The following TYR variants were observed in gnomAD, a reference collection of about 807,000 sequenced individuals.
TYR encodes the protein LB24-AB.
A neutral mutation model predicts 51.5 loss-of-function variants in TYR; 58 were observed. That is an observed-to-expected ratio of 1.13 (90% CI 0.91 to 1.40). The LOEUF (loss-of-function observed/expected upper bound fraction) is 1.40. Among genes scored for constraint, TYR ranks in the 40% most tolerant of loss-of-function variants. The probability of loss-of-function intolerance (pLI) is 0.00; values close to 1 mark genes in which losing one functional copy is unlikely to be tolerated. For synonymous variants in TYR, 263 were observed against 235.2 expected (o/e 1.12, Z -1.08); for missense variants, 732 against 647.4 (o/e 1.13, Z -1.42).
rs187101923 is a variant in TYR, at chr11:89,232,325, T to C, written c.1184+4355T>C. ...AACCCAGGTGCTCATCAATGGTGTA[T>C]TGGACAAAGAAAATGTGGTACATTT... is the stretch of plus-strand genomic sequence containing the variant. On this transcript the variant is annotated intron_variant, in intron 3 of 4. Coordinates refer to ENST00000263321, the MANE Select transcript of TYR (RefSeq NM_000372.5). Among the ~76,000 whole-genome samples the C allele has an allele frequency of 5.3e-4, 76 of 143,298 alleles. 18 individuals carry two copies. Among genetic ancestry groups the C allele is most frequent in the African/African-American group, 2.0e-3 (74 of 36,260 alleles). The allele number at this position is 143,298 out of a possible 152,430, so 94.0% of individuals were successfully genotyped here. A position where few individuals can be genotyped will look rare whatever the true frequency, so the allele number is the denominator to read the frequency against.
intron 3 of TYR, among the ~76,000 whole-genome samples, chr11:89,265,437 CT>C (rs1944514279): frequency 6.6e-6 from 1 of 152,054 alleles, no homozygotes; most frequent in Non-Finnish European, 1.5e-5. Context: ...TCCTATTACC[CT>C]TGATTTTTCT....
intron 2 of TYR, among the ~76,000 whole-genome samples, chr11:89,225,633 A>G (rs949312072): frequency 1.3e-5 from 2 of 151,878 alleles, no homozygotes; most frequent in African/African-American, 4.8e-5. Context: ...GTTGTTTTTG[A>G]TATGGATGAT....
chr11:89,264,016 T>A (rs1285248653), intron 3 of TYR, among the ~76,000 whole-genome samples: 4 of 152,070 alleles, frequency 2.6e-5, no homozygotes, highest in African/African-American at 9.6e-5. Flanking sequence ...CTTAATGTTG[T>A]AGTAGATTTT....
At chr11:89,216,684 T>C (rs1396973532) in intron 2 of TYR, among the ~76,000 whole-genome samples, 1 of 130,100 alleles carries the variant, frequency 7.7e-6, no homozygotes, top group African/African-American at 3.1e-5. Flanking sequence ...TAAACCCAAA[T>C]AATATGCCTT....
intron 2 of TYR, among the ~76,000 whole-genome samples, chr11:89,209,750 G>A (rs757470714): frequency 1.8e-4 from 27 of 152,224 alleles, no homozygotes; most frequent in Non-Finnish European, 2.8e-4. Context: ...CCTCTGGGAC[G>A]AAGCTTCCAG....
chr11:89,276,326 C>T (rs1944654072), intron 3 of TYR, among the ~76,000 whole-genome samples: 1 of 151,824 alleles, frequency 6.6e-6, no homozygotes, highest in Admixed American at 6.6e-5. Flanking sequence ...TCTCCTCCAT[C>T]TGCATCGCTT....
intron 2 of TYR, among the ~76,000 whole-genome samples, chr11:89,217,651 GT>G (rs1943849841): frequency 6.6e-6 from 1 of 152,188 alleles, no homozygotes; most frequent in South Asian, 2.1e-4. Flanking sequence ...GGGTGTTTCT[GT>G]TTGAGTCTCT....
At chr11:89,290,157 T>C (rs1944839426) in intron 4 of TYR, among the ~76,000 whole-genome samples, 1 of 151,736 alleles carries the variant, frequency 6.6e-6, no homozygotes, top group African/African-American at 2.4e-5. Flanking sequence ...ACAAGAAAAA[T>C]AGGACTTCAC....
intron 3 of TYR, among the ~76,000 whole-genome samples, chr11:89,275,403 T>A (rs998808358): frequency 1.3e-5 from 2 of 151,926 alleles, no homozygotes; most frequent in African/African-American, 4.8e-5. Context: ...ATTCTGGTCC[T>A]AGCTCTGCCA....
chr11:89,182,158 C>G (rs1045909929), intron 1 of TYR, among the ~76,000 whole-genome samples: 2 of 152,138 alleles, frequency 1.3e-5, no homozygotes, highest in Non-Finnish European at 2.9e-5. Flanking sequence ...TATCTGCCAG[C>G]CTGTCAGTCG....
chr11:89,219,854 C>A (rs1054343626), intron 2 of TYR, among the ~76,000 whole-genome samples: 1 of 151,982 alleles, frequency 6.6e-6, no homozygotes, highest in Admixed American at 6.6e-5. Context: ...GCCTTTTCTA[C>A]CCCAAGAGAG....
chr11:89,191,659 C>G (rs181929402), intron 2 of TYR, among the ~76,000 whole-genome samples: 1 of 152,070 alleles, frequency 6.6e-6, no homozygotes, highest in African/African-American at 2.4e-5. Context: ...ACTTGGGAGG[C>G]TGTGACAGGT....
intron 2 of TYR, among the ~76,000 whole-genome samples, chr11:89,215,659 C>A (rs1943823204): frequency 6.6e-6 from 1 of 152,118 alleles, no homozygotes; most frequent in Admixed American, 6.6e-5. Context: ...TTTAGGGGTA[C>A]AATCATGATT....
intron 2 of TYR, among the ~76,000 whole-genome samples, chr11:89,209,762 G>A (rs1943726846): frequency 6.6e-6 from 1 of 152,140 alleles, no homozygotes; most frequent in African/African-American, 2.4e-5. Flanking sequence ...AGCTTCCAGA[G>A]GAAGGATCGG....
intron 3 of TYR, among the ~76,000 whole-genome samples, chr11:89,268,753 G>T (rs1944554429): frequency 6.6e-6 from 1 of 151,812 alleles, no homozygotes; most frequent in Non-Finnish European, 1.5e-5. Flanking sequence ...ATATGCATAA[G>T]GCCTTTCACA....
chr11:89,192,995 T>C (rs1943466382), intron 2 of TYR, among the ~76,000 whole-genome samples: 1 of 152,148 alleles, frequency 6.6e-6, no homozygotes, highest in South Asian at 2.1e-4. Flanking sequence ...TGAGAGTTTC[T>C]TTAAAGTGGA....
chr11:89,252,087 A>G (rs1262818138), intron 3 of TYR, among the ~76,000 whole-genome samples: 1 of 151,640 alleles, frequency 6.6e-6, no homozygotes, highest in Non-Finnish European at 1.5e-5. Flanking sequence ...TTCATGTTCT[A>G]TGAGTAAGGA....
intron 3 of TYR, among the ~76,000 whole-genome samples, chr11:89,250,945 A>G (rs1590878764): frequency 6.6e-6 from 1 of 151,912 alleles, no homozygotes; most frequent in African/African-American, 2.4e-5. Flanking sequence ...AGCTTTTAAA[A>G]TTGTGATGAT....
At chr11:89,186,187 A>T (rs999205995) in intron 1 of TYR, among the ~76,000 whole-genome samples, 7 of 152,188 alleles carry the variant, frequency 4.6e-5, no homozygotes, top group Non-Finnish European at 1.0e-4. Flanking sequence ...GAGCACATGG[A>T]GAATGGTTGC....
Sources: allele counts gnomAD v4.1 joint callset (sites outside exome capture counted in the v4.1 genomes callset), GRCh38; gene constraint gnomAD v4.1.1; transcripts MANE v1.5; gene names NCBI Gene and HGNC (gene_info 2026-07-23, HGNC 2026-07-21).